PRKG1: variants seen among roughly 807,000 people sequenced by gnomAD.
PRKG1 encodes cGMP-dependent protein kinase 1.
A neutral mutation model predicts 88.1 loss-of-function variants in PRKG1; 35 were observed. That is an observed-to-expected ratio of 0.40 (90% CI 0.30 to 0.53). The LOEUF (loss-of-function observed/expected upper bound fraction) is 0.53, where lower values mean the gene tolerates loss of function less well. Ranked by LOEUF, PRKG1 falls within the 20% of genes least tolerant of loss-of-function variation. The probability of loss-of-function intolerance (pLI) is 0.59; values close to 1 mark genes in which losing one functional copy is unlikely to be tolerated. For missense variants in PRKG1, 540 were observed against 839.8 expected (o/e 0.64, Z 4.41); for synonymous variants, 303 against 292.5 (o/e 1.04, Z -0.37).
At chr10:50,994,389 A>G (rs1315090209) in intron 1 of PRKG1, among the ~76,000 whole-genome samples, 1 of 145,264 alleles carries the variant, frequency 6.9e-6, no homozygotes, top group Non-Finnish European at 1.5e-5. Context: ...ATATTCCATC[A>G]CCTCACCTGT....
chr10:51,762,119 T>C (rs944179364), intron 3 of PRKG1, among the ~76,000 whole-genome samples: 1 of 152,198 alleles, frequency 6.6e-6, no homozygotes, highest in African/African-American at 2.4e-5. Context: ...TATAAGAACA[T>C]GCTATTGACC....
chr10:52,087,532 C>G (rs757445523), intron 7 of PRKG1, among the ~76,000 whole-genome samples: 13 of 152,012 alleles, frequency 8.6e-5, no homozygotes, highest in Admixed American at 5.9e-4. Flanking sequence ...TTTTATAAAT[C>G]TTGTCTTTAA....
At chr10:51,724,448 A>G (rs556148031) in intron 3 of PRKG1, among the ~76,000 whole-genome samples, 2 of 152,350 alleles carry the variant, frequency 1.3e-5, no homozygotes, top group East Asian at 1.9e-4. Context: ...TGGCACTTTC[A>G]AAACCGTCCC....
intron 3 of PRKG1, among the ~76,000 whole-genome samples, chr10:51,783,648 G>T (rs1838653764): frequency 6.6e-6 from 1 of 152,064 alleles, no homozygotes. Context: ...GGGAATTTAA[G>T]TGTGTACGTG....
intron 4 of PRKG1, among the ~76,000 whole-genome samples, chr10:51,863,063 T>C (rs1840926805): frequency 6.6e-6 from 1 of 152,152 alleles, no homozygotes; most frequent in South Asian, 2.1e-4. Context: ...CTCTCTCCCA[T>C]TTCTCTAATG....
At chr10:52,014,715 C>T (rs1244981517) in intron 5 of PRKG1, among the ~76,000 whole-genome samples, 1 of 152,220 alleles carries the variant, frequency 6.6e-6, no homozygotes, top group Non-Finnish European at 1.5e-5. Context: ...AAGCTAGTTA[C>T]TCCCAAGATA....
rs115850400 is a variant in PRKG1 at position 51,640,208 on chromosome 10, T to C, written c.593-164377T>C. On this transcript the variant is annotated intron_variant, in intron 3 of 17. Transcript: ENST00000373980. Reference sequence around the variant, plus strand: ...GTAGATGGGGGGAAATGAAGTCTTATTTCAGTGCAGCTGGCCGCCCTGCTT... The same window carrying C: ...GTAGATGGGGGGAAATGAAGTCTTACTTCAGTGCAGCTGGCCGCCCTGCTT... 5.4e-3 allele frequency among the ~76,000 whole-genome samples: 816 copies of C among 152,310 alleles called. 7 individuals are homozygous for C. Among genetic ancestry groups the C allele is most frequent in the African/African-American group, 0.019 (784 of 41,562 alleles).
chr10:52,048,716 A>G (rs1367392898), intron 5 of PRKG1, among the ~76,000 whole-genome samples: 2 of 152,192 alleles, frequency 1.3e-5, no homozygotes, highest in Non-Finnish European at 2.9e-5. Flanking sequence ...CAGGTTTTTT[A>G]ACTCACAAGT....
chr10:51,995,452 C>T (rs1844416065), intron 5 of PRKG1, among the ~76,000 whole-genome samples: 1 of 152,138 alleles, frequency 6.6e-6, no homozygotes, highest in South Asian at 2.1e-4. Context: ...CAAATATTGA[C>T]ATATAAGATA....
intron 5 of PRKG1, among the ~76,000 whole-genome samples, chr10:51,983,372 G>A (rs1465153601): frequency 6.6e-6 from 1 of 152,078 alleles, no homozygotes; most frequent in South Asian, 2.1e-4. Flanking sequence ...GTATGGCATG[G>A]GGGCAGTCCC....
intron 9 of PRKG1, among the ~76,000 whole-genome samples, chr10:52,173,548 C>G (rs1384629684): frequency 2.0e-5 from 3 of 152,150 alleles, no homozygotes; most frequent in African/African-American, 7.2e-5. Flanking sequence ...GAATTTAGAT[C>G]TTTAACTTGC....
At chr10:51,073,088 T>A (rs1454912545), upstream of PRKG1, among the ~76,000 whole-genome samples, 3 of 152,186 alleles carry the variant, frequency 2.0e-5, no homozygotes, top group African/African-American at 7.2e-5. Context: ...GTTCGTAATG[T>A]CTTAAGCAAA....
intron 3 of PRKG1, among the ~76,000 whole-genome samples, chr10:51,792,253 C>T (rs956167300): frequency 6.6e-6 from 1 of 152,080 alleles, no homozygotes; most frequent in Non-Finnish European, 1.5e-5. Context: ...CTTGACTCCT[C>T]CTTTCACTCT....
At chr10:51,872,065 A>G (rs897561150) in intron 4 of PRKG1, among the ~76,000 whole-genome samples, 1 of 152,180 alleles carries the variant, frequency 6.6e-6, no homozygotes, top group Non-Finnish European at 1.5e-5. Context: ...GTAGCTAATC[A>G]ATCCTGGCCC....
At chr10:51,761,537 G>A (rs992660559) in intron 3 of PRKG1, among the ~76,000 whole-genome samples, 6 of 152,154 alleles carry the variant, frequency 3.9e-5, no homozygotes, top group African/African-American at 1.2e-4. Flanking sequence ...AGCTGATGAT[G>A]TGAAAAATGC....
At chr10:51,138,675 GTTTTTTTTTTTT>G (rs71459405) in intron 1 of PRKG1, among the ~76,000 whole-genome samples, 3 of 68,490 alleles carry the variant, frequency 4.4e-5, no homozygotes, top group African/African-American at 5.7e-5. Context: ...ATTGAGTTTT[GTTTTTTTTTTTT>G]TTTTTTTTTT....
chr10:51,907,393 A>G, intron 4 of PRKG1, 114 bp from the exon 5 acceptor site: 1 of 740,422 alleles, frequency 1.4e-6, no homozygotes, highest in South Asian at 3.2e-5. Context: ...TTTTTTTGGC[A>G]GATTCCTTGT....
At chr10:51,697,375 C>G (rs1301910465) in intron 3 of PRKG1, 1 of 247,536 alleles carries the variant, frequency 4.0e-6, no homozygotes, top group African/African-American at 2.3e-5. Context: ...AAGTTTTACT[C>G]GACATTTAAA....
chr10:51,948,234 T>C (rs534149411), intron 5 of PRKG1, among the ~76,000 whole-genome samples: 1 of 152,276 alleles, frequency 6.6e-6, no homozygotes, highest in African/African-American at 2.4e-5. Flanking sequence ...TTGCCATACA[T>C]AGAACAATTT....
Sources: allele counts gnomAD v4.1 joint callset (sites outside exome capture counted in the v4.1 genomes callset), GRCh38; gene constraint gnomAD v4.1.1; transcripts MANE v1.5; gene names NCBI Gene and HGNC (gene_info 2026-07-23, HGNC 2026-07-21).